Variants in LARP4 observed in about 807,000 individuals in gnomAD.
The protein encoded by LARP4 is la-related protein 4.
LARP4 carries 29 observed loss-of-function variants against 92.9 expected under a neutral mutation model. The observed-to-expected ratio is 0.31, with a 90% CI of 0.23 to 0.43. LARP4 has a LOEUF of 0.43. Ranked by LOEUF, LARP4 falls within the 20% of genes least tolerant of loss-of-function variation. The probability of loss-of-function intolerance (pLI) is 1.00; values close to 1 mark genes in which losing one functional copy is unlikely to be tolerated. For missense variants in LARP4, 732 were observed against 860.0 expected (o/e 0.85, Z 1.86); for synonymous variants, 279 against 284.1 (o/e 0.98, Z 0.18).
Position 50,454,379 on chromosome 12 carries a change from T to A in LARP4, c.1083T>A (p.Ala361=), listed in dbSNP as rs374694300. ...FNSPGSYKTN[A]AAMNMGRPFQ... is the part of the protein sequence containing the mutation. ...CGCCAGGATCTTATAAAACAAATGCTGCTGCTATGAATATGGGTCGACCAT... is the reference window on the plus strand; with the variant it reads ...CGCCAGGATCTTATAAAACAAATGCAGCTGCTATGAATATGGGTCGACCAT... The change falls in exon 10 of 16, where the codon GCT becomes GCA. Residue 361 remains alanine, a synonymous_variant. Coordinates refer to ENST00000398473, the MANE Select transcript of LARP4 (RefSeq NM_052879.5). 15 of 1,613,550 alleles carry A rather than the reference T, an allele frequency of 9.3e-6. No individual in the cohort carries two copies. The African/African-American group carries it at 1.6e-4, about 17-fold the overall frequency.
At chr12:50,443,256 C>CTGTTT (rs575322498) in intron 8 of LARP4, among the ~76,000 whole-genome samples, 171 of 152,090 alleles carry the variant, frequency 1.1e-3, no homozygotes, top group African/African-American at 2.1e-3. Context: ...ACCAATATGG[C>CTGTTT]TGTTTTGTTT....
At chr12:50,432,906 A>G (rs1241133335) in intron 4 of LARP4, among the ~76,000 whole-genome samples, 2 of 150,724 alleles carry the variant, frequency 1.3e-5, no homozygotes, top group East Asian at 1.9e-4. Context: ...TATCGGGGAG[A>G]CTTGCGTTTG....
chr12:50,473,234 T>A (rs1190760173), intron 13 of LARP4, among the ~76,000 whole-genome samples, 181 bp from the exon 14 acceptor site: 1 of 152,206 alleles, frequency 6.6e-6, no homozygotes, highest in Non-Finnish European at 1.5e-5. Flanking sequence ...CATTTGTTAA[T>A]GTTTGTCTTT....
chr12:50,432,236 G>A (rs1435120693), intron 4 of LARP4, among the ~76,000 whole-genome samples: 1 of 152,090 alleles, frequency 6.6e-6, no homozygotes, highest in African/African-American at 2.4e-5. Flanking sequence ...ATTTTATGCT[G>A]TACATTACAT....
At chr12:50,401,192 C>T (rs903492082) in intron 1 of LARP4, 164 bp downstream of exon 1, 2 of 752,670 alleles carry the variant, frequency 2.7e-6, no homozygotes, top group African/African-American at 3.4e-5. Context: ...TCCCTCTGCG[C>T]GCTCACAACA....
rs1565577750 is a variant in LARP4, at chr12:50,429,103, GTT to G, written c.322+16_322+17del. 6.2e-7 allele frequency: 1 copy of G among 1,605,012 alleles called. No individual in the cohort carries two copies. The highest frequency in any genetic ancestry group is 1.7e-5 in the Admixed American group (1 of 59,578). On this transcript the variant is annotated intron_variant, in intron 3 of 15. Coordinates refer to ENST00000398473, the MANE Select transcript of LARP4 (RefSeq NM_052879.5). ...TATGATGTTTCCGGTAAACTTTATG[GTT>G]TTATTGTTAAAATGAGAATTCAGTA...
chr12:50,477,849 A>G lies in LARP4; in HGVS notation c.*1985A>G, dbSNP rs1957641823. ...TAAAAAAACATATTAATCATTGACT[A>G]CATCTATGATAAAAGTGCTTATTTT... On this transcript the variant is annotated 3_prime_UTR_variant, in exon 16 of 16. Coordinates refer to ENST00000398473, the MANE Select transcript of LARP4 (RefSeq NM_052879.5). The G allele has an allele frequency of 1.3e-5, 2 of 152,570 alleles. No individual in the cohort carries two copies. The allele number at this position is 152,570 out of a possible 1,614,324, so 9.5% of individuals were successfully genotyped here.
chr12:50,463,133 T>C (rs1955660574), intron 12 of LARP4, among the ~76,000 whole-genome samples: 1 of 151,672 alleles, frequency 6.6e-6, no homozygotes, highest in Non-Finnish European at 1.5e-5. Flanking sequence ...GCTTAAGTGA[T>C]CCTCCTCTCG....
intron 11 of LARP4, 58 bp downstream of exon 11, chr12:50,461,405 G>A: frequency 7.0e-7 from 1 of 1,425,714 alleles, no homozygotes; most frequent in Non-Finnish European, 9.8e-7. Flanking sequence ...CTGAATAATT[G>A]AAGAACATGA....
chr12:50,471,845 C>G (rs1003948437), intron 13 of LARP4, among the ~76,000 whole-genome samples: 1 of 152,164 alleles, frequency 6.6e-6, no homozygotes, highest in Admixed American at 6.5e-5. Context: ...TTTGAAGAAA[C>G]AGACTCATAT....
In LARP4 at chr12:50,419,769, G is replaced by T. The variant is rs568803438; in HGVS notation, c.19-7993G>T. Among the ~76,000 whole-genome samples the T allele has an allele frequency of 2.0e-5, 3 of 152,192 alleles. No individual in the cohort carries two copies. In the South Asian group the frequency reaches 6.2e-4, roughly 32 times the overall value. ...AAAACAAAAACAACCTATCCACGTGGTGGCTCAAACCTGTAGTCCTAGCTG... is the reference window on the plus strand; with the variant it reads ...AAAACAAAAACAACCTATCCACGTGTTGGCTCAAACCTGTAGTCCTAGCTG... On this transcript the variant is annotated intron_variant, in intron 1 of 15. Transcript: ENST00000398473.
intron 1 of LARP4, among the ~76,000 whole-genome samples, chr12:50,426,732 G>GTGTGGT (rs1948838581): frequency 7.1e-4 from 37 of 52,096 alleles, no homozygotes; most frequent in South Asian, 2.3e-3. Flanking sequence ...TGTGTGTGTG[G>GTGTGGT]TTTTTTTTTT....
At chr12:50,408,013 A>G (rs374240388) in intron 1 of LARP4, among the ~76,000 whole-genome samples, 1 of 152,128 alleles carries the variant, frequency 6.6e-6, no homozygotes, top group East Asian at 1.9e-4. Flanking sequence ...GGTTCACAGA[A>G]TATCTCTACT....
chr12:50,408,513 TCAGGGTAGAAAAGTCTGCAGTAATG>T lies in LARP4; in HGVS notation c.18+7517_18+7541del, dbSNP rs1219414035. ...CACCCGGCGAGAAAAGGATTTCTCGTCAGGGTAGAAAAGTCTGCAGTAATGCAGGGTAGAAAAGTCTGCAGTAATG... is the reference window on the plus strand; with the variant it reads ...CACCCGGCGAGAAAAGGATTTCTCGTCAGGGTAGAAAAGTCTGCAGTAATG... On this transcript the variant is annotated intron_variant, in intron 1 of 15. Coordinates refer to ENST00000398473, the MANE Select transcript of LARP4 (RefSeq NM_052879.5). 1.1e-3 allele frequency among the ~76,000 whole-genome samples: 174 copies of T among 152,188 alleles called. 2 individuals are homozygous for T. The highest frequency in any genetic ancestry group is 6.8e-3 in the Middle Eastern group (2 of 294).
chr12:50,418,185 G>GTGTC (rs1357718422), intron 1 of LARP4, among the ~76,000 whole-genome samples: 4 of 152,052 alleles, frequency 2.6e-5, no homozygotes, highest in Non-Finnish European at 5.9e-5. Flanking sequence ...TTATTAGAGA[G>GTGTC]TGTCAGTGTT....
intron 8 of LARP4, among the ~76,000 whole-genome samples, chr12:50,449,550 A>G (rs1322536369): frequency 1.3e-5 from 2 of 152,164 alleles, no homozygotes; most frequent in Admixed American, 6.5e-5. Context: ...AGCAAGAGGC[A>G]TGATGCCTTG....
At chr12:50,464,474 CT>C (rs1955876028) in intron 12 of LARP4, among the ~76,000 whole-genome samples, 1 of 152,216 alleles carries the variant, frequency 6.6e-6, no homozygotes. Flanking sequence ...TCACTGCAAC[CT>C]CTGACTCCCG....
chr12:50,417,853 C>T (rs983442264), intron 1 of LARP4, among the ~76,000 whole-genome samples: 1 of 152,040 alleles, frequency 6.6e-6, no homozygotes, highest in African/African-American at 2.4e-5. Context: ...GCCAACATGC[C>T]TGGCTCATTT....
At chr12:50,475,195 T>C (rs1593511143) in intron 15 of LARP4, among the ~76,000 whole-genome samples, 1 of 152,206 alleles carries the variant, frequency 6.6e-6, no homozygotes, top group African/African-American at 2.4e-5. Context: ...GGGTTCTTTG[T>C]AGCAAGGAAA....
Sources: gnomAD v4.1 joint callset for allele counts (sites outside exome capture counted in the v4.1 genomes callset) on GRCh38, gnomAD v4.1.1 for gene constraint, MANE v1.5 for transcripts, NCBI Gene and HGNC (gene_info 2026-07-23, HGNC 2026-07-21) for gene names.